Variants in THSD7B observed in about 807,000 individuals in gnomAD.
THSD7B encodes the protein thrombospondin type-1 domain-containing protein 7B.
Under a neutral mutation model 213.6 loss-of-function variants are expected in THSD7B, and 138 were observed. The observed-to-expected ratio is 0.65, with a 90% confidence interval of 0.56 to 0.74. The LOEUF (loss-of-function observed/expected upper bound fraction) is 0.74, where lower values mean the gene tolerates loss of function less well. THSD7B is among the 30% of genes least tolerant of loss of function. The pLI, the probability that THSD7B is intolerant of heterozygous loss-of-function variation, is 0.00. For missense variants in THSD7B, 1,931 were observed against 1,991.5 expected (o/e 0.97, Z 0.58); for synonymous variants, 742 against 687.0 (o/e 1.08, Z -1.25).
chr2:137,427,630 TA>T (rs1213697703), intron 14 of THSD7B, among the ~76,000 whole-genome samples: 1 of 152,092 alleles, frequency 6.6e-6, no homozygotes, highest in Non-Finnish European at 1.5e-5. Flanking sequence ...ATGTATAATC[TA>T]AAAAAGTCAA....
chr2:137,128,055 CT>C (rs1453071033), intron 5 of THSD7B, among the ~76,000 whole-genome samples: 1 of 151,976 alleles, frequency 6.6e-6, no homozygotes, highest in Non-Finnish European at 1.5e-5. Context: ...GTAATATTTT[CT>C]TTTCTTATTA....
At chr2:137,080,791 G>GT (rs753222547) in intron 3 of THSD7B, among the ~76,000 whole-genome samples, 2 of 151,368 alleles carry the variant, frequency 1.3e-5, no homozygotes, top group Non-Finnish European at 2.9e-5. Flanking sequence ...TATTCTTCTA[G>GT]TCCTGACCCC....
chr2:137,382,962 G>A (rs1685809728), intron 12 of THSD7B, among the ~76,000 whole-genome samples: 1 of 152,214 alleles, frequency 6.6e-6, no homozygotes, highest in African/African-American at 2.4e-5. Context: ...TTTGATAGCA[G>A]GTGTGGATAT....
chr2:137,331,835 G>T (rs1334589585), intron 12 of THSD7B, among the ~76,000 whole-genome samples: 1 of 152,166 alleles, frequency 6.6e-6, no homozygotes, highest in African/African-American at 2.4e-5. Context: ...TACACCCTCC[G>T]CAGCCGCTGG....
At chr2:137,535,560 G>A (rs934817527) in intron 15 of THSD7B, among the ~76,000 whole-genome samples, 3 of 151,518 alleles carry the variant, frequency 2.0e-5, no homozygotes, top group African/African-American at 4.8e-5. Flanking sequence ...CTTTATACCC[G>A]GTGCCTAACT....
intron 10 of THSD7B, among the ~76,000 whole-genome samples, chr2:137,250,713 A>G (rs1208464679): frequency 6.6e-6 from 1 of 152,160 alleles, no homozygotes; most frequent in African/African-American, 2.4e-5. Context: ...CCAGTGAGGG[A>G]AGATAGAGGA....
At chr2:137,097,332 C>A (rs956151663) in intron 4 of THSD7B, among the ~76,000 whole-genome samples, 1 of 152,150 alleles carries the variant, frequency 6.6e-6, no homozygotes, top group Non-Finnish European at 1.5e-5. Context: ...CAATGCCTAC[C>A]TTTTATCAAG....
At chr2:136,832,629 G>A (rs1450053819) in intron 1 of THSD7B, among the ~76,000 whole-genome samples, 1 of 152,268 alleles carries the variant, frequency 6.6e-6, no homozygotes, top group African/African-American at 2.4e-5. Context: ...ATCACAACAT[G>A]GAGCTGTCCC....
At chr2:137,643,678 TATC>T (rs1381559361) in intron 21 of THSD7B, among the ~76,000 whole-genome samples, 11 of 152,314 alleles carry the variant, frequency 7.2e-5, no homozygotes, top group Admixed American at 2.6e-4. Flanking sequence ...TATTGCTCCT[TATC>T]ATTGGGACTG....
intron 15 of THSD7B, among the ~76,000 whole-genome samples, chr2:137,550,089 G>A (rs180733719): frequency 6.4e-4 from 97 of 152,126 alleles, no homozygotes; most frequent in African/African-American, 2.3e-3. Context: ...ATTGGAGAAG[G>A]CATTTTAGAC....
intron 12 of THSD7B, among the ~76,000 whole-genome samples, chr2:137,342,949 A>G (rs968413762): frequency 6.9e-4 from 105 of 151,496 alleles, no homozygotes; most frequent in African/African-American, 2.4e-3. Context: ...TTTTCTTGGG[A>G]ATTTTCCCCC....
intron 15 of THSD7B, among the ~76,000 whole-genome samples, chr2:137,558,465 C>T (rs1315056540): frequency 2.0e-5 from 3 of 152,226 alleles, no homozygotes; most frequent in Non-Finnish European, 4.4e-5. Flanking sequence ...GCAAAAACCA[C>T]GTGATTATCT....
chr2:137,179,747 A>G (rs1680419646), intron 7 of THSD7B, among the ~76,000 whole-genome samples: 1 of 152,178 alleles, frequency 6.6e-6, no homozygotes, highest in African/African-American at 2.4e-5. Flanking sequence ...CTGAAATTCC[A>G]TAGCTCATAA....
Position 137,013,483 on chromosome 2 carries a change from G to A in THSD7B, c.140-42937G>A, listed in dbSNP as rs149766979. Among the ~76,000 whole-genome samples, 557 of 152,290 alleles carry A rather than the reference G, an allele frequency of 3.7e-3. 15 individuals are homozygous for A. The highest frequency in any genetic ancestry group is 0.032 in the Admixed American group (495 of 15,294). Reference sequence around the variant, plus strand: ...ATAGGGTACAAGAAAGGAGAGAACTGCACAGAGAGAGGAAGTTCCAGAGGT... The same window carrying A: ...ATAGGGTACAAGAAAGGAGAGAACTACACAGAGAGAGGAAGTTCCAGAGGT... On this transcript the variant is annotated intron_variant, in intron 2 of 27. Coordinates refer to ENST00000409968, the MANE Select transcript of THSD7B (RefSeq NM_001316349.2).
chr2:136,822,000 C>T (rs1489510096), intron 1 of THSD7B, among the ~76,000 whole-genome samples: 1 of 152,114 alleles, frequency 6.6e-6, no homozygotes, highest in East Asian at 1.9e-4. Flanking sequence ...AATAGCGGGG[C>T]TCCTGGATCA....
chr2:137,170,399 A>G (rs1485231126), intron 6 of THSD7B, among the ~76,000 whole-genome samples: 1 of 152,170 alleles, frequency 6.6e-6, no homozygotes, highest in Non-Finnish European at 1.5e-5. Context: ...GAAAATGTGG[A>G]TTAATCTATA....
At chr2:137,023,016 A>G (rs1253782388) in intron 2 of THSD7B, among the ~76,000 whole-genome samples, 1 of 152,214 alleles carries the variant, frequency 6.6e-6, no homozygotes, top group Admixed American at 6.5e-5. Context: ...ACAAACACAC[A>G]AGAAGACAGT....
At chr2:136,877,339 G>A (rs1683541406) in intron 1 of THSD7B, among the ~76,000 whole-genome samples, 1 of 152,130 alleles carries the variant, frequency 6.6e-6, no homozygotes, top group Admixed American at 6.5e-5. Flanking sequence ...TTGCTCTAAG[G>A]AAATGTGGCC....
intron 15 of THSD7B, among the ~76,000 whole-genome samples, chr2:137,525,398 A>G (rs1680260092): frequency 6.6e-6 from 1 of 152,150 alleles, no homozygotes; most frequent in Admixed American, 6.5e-5. Context: ...TTTGACAGGC[A>G]GTTTATGAGC....
Sources: gnomAD v4.1 joint callset for allele counts (sites outside exome capture counted in the v4.1 genomes callset) on GRCh38, gnomAD v4.1.1 for gene constraint, MANE v1.5 for transcripts, NCBI Gene and HGNC (gene_info 2026-07-23, HGNC 2026-07-21) for gene names.